Variants in ENOX1 observed in about 807,000 individuals in gnomAD.
The protein encoded by ENOX1 is ecto-NOX disulfide-thiol exchanger 1.
Under a neutral mutation model 82.5 loss-of-function variants are expected in ENOX1, and 42 were observed. The observed-to-expected ratio is 0.51, with a 90% confidence interval of 0.40 to 0.66. The LOEUF is 0.66. ENOX1 is among the 30% of genes least tolerant of loss of function. The pLI, the probability that ENOX1 is intolerant of heterozygous loss-of-function variation, is 0.00. For missense variants in ENOX1, 608 were observed against 811.6 expected (o/e 0.75, Z 3.05); for synonymous variants, 271 against 282.2 (o/e 0.96, Z 0.40).
At chr13:43,402,360 T>C (rs781315077) in intron 5 of ENOX1, among the ~76,000 whole-genome samples, 2 of 152,214 alleles carry the variant, frequency 1.3e-5, no homozygotes, top group Non-Finnish European at 2.9e-5. Flanking sequence ...AAGGACCAAG[T>C]ATAAAAGTGA....
At chr13:43,502,579 A>G (rs932754097) in intron 2 of ENOX1, among the ~76,000 whole-genome samples, 1 of 151,760 alleles carries the variant, frequency 6.6e-6, no homozygotes, top group Admixed American at 6.6e-5. Context: ...AATGTGATAC[A>G]TCATAGTAAC....
intron 1 of ENOX1, among the ~76,000 whole-genome samples, chr13:43,694,762 C>T (rs139098620): frequency 2.0e-5 from 3 of 152,310 alleles, no homozygotes; most frequent in Admixed American, 2.0e-4. Context: ...TATTCCAAGA[C>T]AAGACTCACT....
chr13:43,422,073 AT>A (rs1219616692), intron 3 of ENOX1, among the ~76,000 whole-genome samples: 2 of 151,938 alleles, frequency 1.3e-5, no homozygotes, highest in Non-Finnish European at 2.9e-5. Flanking sequence ...GGGTGGAGGG[AT>A]TTTTCTTGTA....
intron 2 of ENOX1, among the ~76,000 whole-genome samples, chr13:43,549,735 T>C (rs1478508453): frequency 6.6e-6 from 1 of 152,186 alleles, no homozygotes; most frequent in Non-Finnish European, 1.5e-5. Flanking sequence ...TTATGGCTCC[T>C]CCTCAGTGTC....
chr13:43,276,382 C>G (rs1163946873), intron 12 of ENOX1, among the ~76,000 whole-genome samples: 1 of 152,132 alleles, frequency 6.6e-6, no homozygotes, highest in African/African-American at 2.4e-5. Flanking sequence ...CCACCTGTGA[C>G]CAGCTCTGCC....
intron 1 of ENOX1, among the ~76,000 whole-genome samples, chr13:43,728,336 C>A (rs957443310): frequency 1.3e-5 from 2 of 152,166 alleles, no homozygotes; most frequent in Non-Finnish European, 2.9e-5. Flanking sequence ...AACAAAATAG[C>A]AGCACTTGTC....
intron 11 of ENOX1, among the ~76,000 whole-genome samples, chr13:43,303,406 C>CT (rs781326460): frequency 5.9e-5 from 9 of 152,226 alleles, no homozygotes; most frequent in Non-Finnish European, 1.2e-4. Context: ...AGAAGCTATT[C>CT]TGTGGCAGAG....
At chr13:43,613,577 T>C (rs1301742505) in intron 2 of ENOX1, among the ~76,000 whole-genome samples, 1 of 151,594 alleles carries the variant, frequency 6.6e-6, no homozygotes, top group East Asian at 1.9e-4. Flanking sequence ...AAATCAGAAA[T>C]GAAAGAGGAG....
intron 1 of ENOX1, among the ~76,000 whole-genome samples, chr13:43,728,391 T>A (rs1422863422): frequency 6.6e-6 from 1 of 152,220 alleles, no homozygotes; most frequent in African/African-American, 2.4e-5. Flanking sequence ...TTTCTTTCCA[T>A]ATCATACCCA....
intron 1 of ENOX1, among the ~76,000 whole-genome samples, chr13:43,741,585 T>A (rs2089914176): frequency 6.6e-6 from 1 of 152,222 alleles, no homozygotes; most frequent in East Asian, 1.9e-4. Context: ...TTTCGAATTG[T>A]GTTATGTACC....
chr13:43,579,697 G>A (rs1319149901), intron 2 of ENOX1, among the ~76,000 whole-genome samples: 1 of 152,208 alleles, frequency 6.6e-6, no homozygotes, highest in African/African-American at 2.4e-5. Flanking sequence ...TGCTCAGAAG[G>A]CTCATGGTAA....
chr13:43,590,791 C>A (rs9567222), intron 2 of ENOX1, among the ~76,000 whole-genome samples: 10,402 of 111,632 alleles, frequency 0.093, 541 homozygotes, highest in East Asian at 0.31. Context: ...AAAAAAAAAA[C>A]ATTGAAAATG....
intron 11 of ENOX1, among the ~76,000 whole-genome samples, chr13:43,312,068 C>A (rs951948332): frequency 1.3e-5 from 2 of 152,096 alleles, no homozygotes; most frequent in Non-Finnish European, 2.9e-5. Flanking sequence ...AACTTGTAAT[C>A]ACAAAAAAAT....
intron 2 of ENOX1, among the ~76,000 whole-genome samples, chr13:43,549,562 T>C (rs918904911): frequency 1.3e-5 from 2 of 152,228 alleles, no homozygotes; most frequent in African/African-American, 4.8e-5. Context: ...CAATACCTCA[T>C]GTAAAAATAG....
Position 43,667,461 on chromosome 13 carries a change from C to G in ENOX1, c.-219+18G>C. ...ACCAACCTGCTTGTTATTTGTGGTG[C>G]ACATACCATCCCTTTACCTGAGCAT... On this transcript the variant is annotated intron_variant, in intron 2 of 16. Coordinates refer to ENST00000690772, the MANE Select transcript of ENOX1 (RefSeq NM_001347969.2). 1 of 985,478 alleles carries G rather than the reference C, an allele frequency of 1.0e-6. No individual in the cohort carries two copies. Among genetic ancestry groups the G allele is most frequent in the Non-Finnish European group, 1.2e-6 (1 of 829,892 alleles). 61.0% of individuals were successfully genotyped at this position (985,478 alleles called of 1,614,324 possible).
intron 2 of ENOX1, among the ~76,000 whole-genome samples, chr13:43,537,419 A>T (rs547754894): frequency 6.6e-6 from 1 of 152,318 alleles, no homozygotes; most frequent in East Asian, 1.9e-4. Context: ...CACTCACTGG[A>T]GTCTCCAGAG....
chr13:43,733,099 G>A (rs1215993711), intron 1 of ENOX1, among the ~76,000 whole-genome samples: 1 of 152,062 alleles, frequency 6.6e-6, no homozygotes, highest in East Asian at 1.9e-4. Context: ...CTTCATACAT[G>A]AAGAATATAC....
intron 2 of ENOX1, among the ~76,000 whole-genome samples, chr13:43,638,268 G>A (rs544365057): frequency 4.8e-4 from 73 of 152,188 alleles, no homozygotes; most frequent in Admixed American, 9.2e-4. Flanking sequence ...TTTCATACCA[G>A]GCCACAGCAC....
intron 2 of ENOX1, among the ~76,000 whole-genome samples, chr13:43,487,832 A>G (rs1406691483): frequency 2.6e-5 from 4 of 152,232 alleles, no homozygotes; most frequent in Admixed American, 6.5e-5. Context: ...GGTGGCTATA[A>G]TTCCCTAGAA....
Sources: gnomAD v4.1 joint callset for allele counts (sites outside exome capture counted in the v4.1 genomes callset) on GRCh38, gnomAD v4.1.1 for gene constraint, MANE v1.5 for transcripts, NCBI Gene and HGNC (gene_info 2026-07-23, HGNC 2026-07-21) for gene names.